Variants in PKHD1 observed in about 807,000 individuals in gnomAD.
PKHD1 encodes fibrocystin.
Under a neutral mutation model 412.0 loss-of-function variants are expected in PKHD1, and 291 were observed. That is an observed-to-expected ratio of 0.71 (90% CI 0.64 to 0.78). The LOEUF (loss-of-function observed/expected upper bound fraction) is 0.78, where lower values mean the gene tolerates loss of function less well. Ranked by LOEUF, PKHD1 falls within the 30% of genes least tolerant of loss-of-function variation. The pLI is 0.00. For missense variants in PKHD1, 4,825 were observed against 4,950.7 expected (o/e 0.97, Z 0.76); for synonymous variants, 1,777 against 1,821.5 (o/e 0.98, Z 0.62).
intron 52 of PKHD1, among the ~76,000 whole-genome samples, chr6:51,809,049 T>G (rs1764278089): frequency 1.3e-5 from 2 of 152,186 alleles, no homozygotes; most frequent in South Asian, 4.1e-4. Context: ...GAATAATCAA[T>G]AATCAATTCA....
chr6:52,080,810 T>G (rs1408303484), intron 4 of PKHD1, among the ~76,000 whole-genome samples: 1 of 152,180 alleles, frequency 6.6e-6, no homozygotes, highest in African/African-American at 2.4e-5. Context: ...TTAATTTATA[T>G]AGATTACATA....
intron 36 of PKHD1, among the ~76,000 whole-genome samples, chr6:51,957,650 A>G (rs975038415): frequency 1.6e-4 from 24 of 152,102 alleles, no homozygotes; most frequent in African/African-American, 5.1e-4. Flanking sequence ...GAAAGAAGTC[A>G]TGGATGCCTC....
rs61327011 is a variant in PKHD1 at position 51,697,179 on chromosome 6, CAAATAAAT to C, written c.10157-37218_10157-37211del. ...TGGGCAACAGAGTGAGACTCCGTCTCAAATAAATAAATAAATAAATAAATAAATATAAA... is the reference window on the plus strand; with the variant it reads ...TGGGCAACAGAGTGAGACTCCGTCTCAAATAAATAAATAAATAAATATAAA... On this transcript the variant is annotated intron_variant, in intron 60 of 66. Transcript: ENST00000371117. Among the ~76,000 whole-genome samples the C allele has an allele frequency of 4.2e-3, 631 of 150,736 alleles. 3 individuals carry two copies. Among genetic ancestry groups the C allele is most frequent in the African/African-American group, 0.015 (610 of 40,826 alleles).
At chr6:51,873,556 C>G (rs1042889156) in intron 46 of PKHD1, among the ~76,000 whole-genome samples, 9 of 152,176 alleles carry the variant, frequency 5.9e-5, no homozygotes, top group Non-Finnish European at 1.2e-4. Flanking sequence ...GAGCTATTCC[C>G]CTATGATTTG....
chr6:51,706,180 C>T (rs1779996222), intron 60 of PKHD1, among the ~76,000 whole-genome samples: 1 of 152,054 alleles, frequency 6.6e-6, no homozygotes, highest in East Asian at 1.9e-4. Context: ...ATTGAAACAG[C>T]TCATTGATAC....
intron 43 of PKHD1, among the ~76,000 whole-genome samples, chr6:51,897,046 C>G (rs573965716): frequency 6.6e-6 from 1 of 150,938 alleles, no homozygotes; most frequent in African/African-American, 2.4e-5. Context: ...ATTGGTGTAC[C>G]TGAAAGTGAT....
At chr6:51,903,239 T>C (rs778336826) in intron 43 of PKHD1, among the ~76,000 whole-genome samples, 18 of 152,222 alleles carry the variant, frequency 1.2e-4, no homozygotes, top group Non-Finnish European at 2.6e-4. Context: ...TTGATACTAA[T>C]ATGCAGCAAG....
In PKHD1 at chr6:52,050,255, A is replaced by AT. The variant is rs1554212326; in HGVS notation, c.2180dup (p.Asn727LysfsTer39). ...CCACCACAGAGACTGATTCCACCAGATTGCCCCCTGGGCGAGCCGTTCCAG... is the reference window on the plus strand; with the variant it reads ...CCACCACAGAGACTGATTCCACCAGATTTGCCCCCTGGGCGAGCCGTTCCAG... On this transcript the variant is annotated frameshift_variant, in exon 22 of 67. Coordinates refer to ENST00000371117, the MANE Select transcript of PKHD1 (RefSeq NM_138694.4). LOFTEE classifies it high-confidence loss of function. The AT allele has an allele frequency of 6.2e-7, 1 of 1,614,166 alleles. No homozygotes were observed. Among genetic ancestry groups the AT allele is most frequent in the Non-Finnish European group, 8.5e-7 (1 of 1,180,006 alleles).
chr6:52,047,945 G>C (rs749809628), intron 23 of PKHD1, among the ~76,000 whole-genome samples: 4 of 152,258 alleles, frequency 2.6e-5, no homozygotes, highest in Non-Finnish European at 4.4e-5. Flanking sequence ...GATTATCCCA[G>C]GTGGACCCTA....
chr6:51,881,811 C>T (rs1777419468), intron 46 of PKHD1, among the ~76,000 whole-genome samples: 1 of 152,134 alleles, frequency 6.6e-6, no homozygotes, highest in Non-Finnish European at 1.5e-5. Flanking sequence ...GGATAACTAA[C>T]CAGCATCTAG....
At chr6:51,777,683 A>G (rs1312685474) in intron 53 of PKHD1, among the ~76,000 whole-genome samples, 2 of 8,094 alleles carry the variant, frequency 2.5e-4, no homozygotes, top group East Asian at 0.042. Context: ...CTTTGGGAAA[A>G]AAAAAAAAAA....
At chr6:51,748,808 A>G in intron 57 of PKHD1, 143 bp from the exon 58 acceptor site, 1 of 751,544 alleles carries the variant, frequency 1.3e-6, no homozygotes, top group South Asian at 1.5e-5. Context: ...TTCACACCAT[A>G]GATTCTCAAC....
At position 51,959,939 on chromosome 6, in the gene PKHD1, T is replaced by C. The variant is rs1166114636; in HGVS notation, c.5839A>G (p.Thr1947Ala). The change falls in exon 36 of 67, where the codon ACA (threonine) becomes GCA (alanine). Residue 1947 changes from threonine to alanine, a missense_variant. Transcript: ENST00000371117. ...ERLPQDGDNV[T>A]VENGQLLLLD... ...AGAAGCAATTGGCCATTCTCCACTG[T>C]GACGTTGTCGCCATCTTGTGGCAGC... 6.2e-7 allele frequency: 1 copy of C among 1,613,522 alleles called. No homozygotes were observed. Among genetic ancestry groups the C allele is most frequent in the East Asian group, 2.2e-5 (1 of 44,868 alleles).
intron 51 of PKHD1, 72 bp downstream of exon 51, chr6:51,836,332 G>A (rs1044296653): frequency 1.0e-6 from 1 of 972,254 alleles, no homozygotes; most frequent in Non-Finnish European, 1.7e-6. Flanking sequence ...AGTATGACAA[G>A]GTGGAATTTG....
intron 63 of PKHD1, among the ~76,000 whole-genome samples, chr6:51,643,900 A>C (rs954209351): frequency 1.3e-5 from 2 of 151,698 alleles, no homozygotes; most frequent in Non-Finnish European, 2.9e-5. Flanking sequence ...CCCTGTGTCC[A>C]TGTGTTCTCA....
At chr6:51,631,115 G>A (rs1767871347) in intron 65 of PKHD1, among the ~76,000 whole-genome samples, 1 of 152,082 alleles carries the variant, frequency 6.6e-6, no homozygotes, top group Admixed American at 6.6e-5. Context: ...CTTAGGGAGA[G>A]ACCCCTGCAT....
At chr6:51,650,601 A>T (rs898584924) in intron 61 of PKHD1, among the ~76,000 whole-genome samples, 1 of 152,142 alleles carries the variant, frequency 6.6e-6, no homozygotes. Context: ...AAAAGTGAAG[A>T]TTTGTTCTGA....
At chr6:51,639,530 C>G (rs897833351) in intron 63 of PKHD1, among the ~76,000 whole-genome samples, 5 of 151,836 alleles carry the variant, frequency 3.3e-5, no homozygotes, top group Admixed American at 2.0e-4. Flanking sequence ...GATAGAGCTA[C>G]TCTGATTTAG....
chr6:51,746,886 A>G lies in PKHD1; in HGVS notation c.9833T>C (p.Val3278Ala), dbSNP rs766747083. Residue 3278 changes from valine to alanine, a missense_variant, in exon 59 of 67, where the codon GTT becomes GCT. Coordinates refer to ENST00000371117, the MANE Select transcript of PKHD1 (RefSeq NM_138694.4). ...SISGIMKLQD[V>A]TFSSFVKSCY... is the part of the protein sequence containing the mutation. ...ACTCTTCACAAAACTAGAAAAGGTAACATCTGAAATTTTAAAAATATGTAT... is the reference window on the plus strand; with the variant it reads ...ACTCTTCACAAAACTAGAAAAGGTAGCATCTGAAATTTTAAAAATATGTAT... The G allele has an allele frequency of 6.3e-7, 1 of 1,589,456 alleles. No individual in the cohort carries two copies. Among genetic ancestry groups the G allele is most frequent in the South Asian group, 1.1e-5 (1 of 89,314 alleles).
Sources: allele counts gnomAD v4.1 joint callset (sites outside exome capture counted in the v4.1 genomes callset), GRCh38; gene constraint gnomAD v4.1.1; transcripts MANE v1.5; gene names NCBI Gene and HGNC (gene_info 2026-07-23, HGNC 2026-07-21).